KLHL4: variants seen among roughly 807,000 people sequenced by gnomAD.
The protein encoded by KLHL4 is kelch-like protein 4.
A neutral mutation model predicts 45.8 loss-of-function variants in KLHL4; 17 were observed. The observed-to-expected ratio is 0.37, with a 90% CI of 0.25 to 0.56. The LOEUF (loss-of-function observed/expected upper bound fraction) is 0.56, where lower values mean the gene tolerates loss of function less well. Among genes scored for constraint, KLHL4 ranks in the 20% least tolerant of loss-of-function variants. The pLI is 0.79. For missense variants in KLHL4, 544 were observed against 544.9 expected, an observed-to-expected ratio of 1.00 and a Z score of 0.02; for synonymous variants, 224 against 189.9, an observed-to-expected ratio of 1.18 and a Z score of -1.47.
At chrX:87,535,993 C>T (rs1931420477) in intron 1 of KLHL4, among the ~76,000 whole-genome samples, 1 of 110,407 alleles carries the variant, frequency 9.1e-6, no homozygotes, top group Non-Finnish European at 1.9e-5. Context: ...AGATGCCAGG[C>T]TTATGCTTCT....
chrX:87,518,994 A>G (rs1290965282), intron 1 of KLHL4, among the ~76,000 whole-genome samples: 1 of 111,895 alleles, frequency 8.9e-6, no homozygotes, highest in Non-Finnish European at 1.9e-5. Context: ...CAGTGACGAT[A>G]TAGTGTAGTT....
At chrX:87,662,697 A>C (rs983461902) in intron 9 of KLHL4, among the ~76,000 whole-genome samples, 10 of 110,854 alleles carry the variant, frequency 9.0e-5, no homozygotes, top group African/African-American at 3.0e-4. Context: ...TGGGAGGCTG[A>C]GGCGGGCGGA....
chrX:87,648,883 G>A (rs1424833378), intron 9 of KLHL4, among the ~76,000 whole-genome samples: 1 of 110,731 alleles, frequency 9.0e-6, no homozygotes, highest in Non-Finnish European at 1.9e-5. Context: ...CACTGCCTCA[G>A]ATGATACATA....
intron 9 of KLHL4, among the ~76,000 whole-genome samples, chrX:87,663,232 C>G (rs1226122417): frequency 9.0e-6 from 1 of 111,071 alleles, no homozygotes; most frequent in East Asian, 2.8e-4. Flanking sequence ...CTCTTGACTT[C>G]AGGCTCAATT....
At chrX:87,594,984 G>A (rs1230313588) in intron 1 of KLHL4, among the ~76,000 whole-genome samples, 1 of 108,439 alleles carries the variant, frequency 9.2e-6, no homozygotes, top group African/African-American at 3.3e-5. Context: ...GGTAGTAAAA[G>A]GCTATCACTC....
chrX:87,595,862 T>C (rs867558650), intron 1 of KLHL4, among the ~76,000 whole-genome samples: 21 of 111,503 alleles, frequency 1.9e-4, no homozygotes, highest in African/African-American at 6.5e-4. Context: ...CTTTAATGCA[T>C]ATGACATAGT....
intron 1 of KLHL4, among the ~76,000 whole-genome samples, chrX:87,525,257 AT>A (rs1434827626): frequency 9.0e-6 from 1 of 111,515 alleles, no homozygotes. Context: ...ATCACTGAGG[AT>A]TCCACGAACA....
In KLHL4 at chrX:87,553,932, C is replaced by T. The variant is rs760127856; in HGVS notation, c.422+35617C>T. Among the ~76,000 whole-genome samples the T allele has an allele frequency of 7.5e-3, 825 of 109,276 alleles. 6 individuals carry two copies. Among genetic ancestry groups the T allele is most frequent in the African/African-American group, 0.026 (787 of 30,107 alleles). The allele number at this position is 109,276 out of a possible 115,157, so 94.9% of individuals were successfully genotyped here. A position where few individuals can be genotyped will look rare whatever the true frequency, so the allele number is the denominator to read the frequency against. On this transcript the variant is annotated intron_variant, in intron 1 of 10. Transcript: ENST00000373119. ...GAAGGGATCCAGTTTCAGCTTTCTA[C>T]ATATGGCTAGCCAGTTTTCCCAGCA... is the stretch of plus-strand genomic sequence containing the variant.
At chrX:87,578,981 C>T (rs939865092) in intron 1 of KLHL4, among the ~76,000 whole-genome samples, 1 of 111,772 alleles carries the variant, frequency 8.9e-6, no homozygotes, top group African/African-American at 3.3e-5. Flanking sequence ...TCTCAATGTG[C>T]TATATTCTTT....
chrX:87,565,324 A>C (rs1050586233), intron 1 of KLHL4, among the ~76,000 whole-genome samples: 2 of 112,053 alleles, frequency 1.8e-5, no homozygotes, highest in Non-Finnish European at 3.8e-5. Context: ...AGAATAGAAA[A>C]ATAATAGACT....
chrX:87,574,591 G>C (rs918971563), intron 1 of KLHL4, among the ~76,000 whole-genome samples: 2 of 111,197 alleles, frequency 1.8e-5, no homozygotes, highest in Admixed American at 9.5e-5. Flanking sequence ...ACTTAAAATC[G>C]CCTCACTTTT....
intron 1 of KLHL4, among the ~76,000 whole-genome samples, chrX:87,613,155 G>A (rs749175022): frequency 2.4e-4 from 27 of 111,731 alleles, no homozygotes; most frequent in Non-Finnish European, 4.7e-4. Flanking sequence ...ATGCCTGGAT[G>A]CAAGAAATGT....
chrX:87,521,949 C>T (rs939625071), intron 1 of KLHL4, among the ~76,000 whole-genome samples: 4 of 112,550 alleles, frequency 3.6e-5, no homozygotes, highest in Admixed American at 2.8e-4. Flanking sequence ...ATTCAGCCAG[C>T]GTGGCACATG....
At chrX:87,541,449 C>G (rs1349674186) in intron 1 of KLHL4, among the ~76,000 whole-genome samples, 1 of 99,871 alleles carries the variant, frequency 1.0e-5, no homozygotes, top group Non-Finnish European at 2.0e-5. Context: ...CATCCCCATG[C>G]CACTGCACTC....
At chrX:87,616,266 G>T (rs5922467) in intron 3 of KLHL4, among the ~76,000 whole-genome samples, 1 of 109,725 alleles carries the variant, frequency 9.1e-6, no homozygotes, top group African/African-American at 3.3e-5. Flanking sequence ...TAACTCTAGC[G>T]GTATGCATGC....
intron 1 of KLHL4, among the ~76,000 whole-genome samples, chrX:87,594,899 T>A: frequency 9.0e-6 from 1 of 111,442 alleles, no homozygotes; most frequent in Admixed American, 9.6e-5. Context: ...TGGGACTAAA[T>A]GTTTTTCTTC....
intron 9 of KLHL4, among the ~76,000 whole-genome samples, chrX:87,641,416 T>A (rs1923455113): frequency 8.9e-6 from 1 of 112,000 alleles, no homozygotes; most frequent in South Asian, 3.7e-4. Context: ...TAGCAGGCCA[T>A]TCCTGCCTGG....
chrX:87,585,926 G>A (rs1335868411), intron 1 of KLHL4, among the ~76,000 whole-genome samples: 1 of 110,740 alleles, frequency 9.0e-6, no homozygotes, highest in Non-Finnish European at 1.9e-5. Context: ...TAAAGAGATG[G>A]AAAAATATAT....
chrX:87,667,455 C>A lies in KLHL4; in HGVS notation c.*921C>A. 1.4e-6 allele frequency: 1 copy of A among 706,402 alleles called. No homozygotes were observed. The highest frequency in any genetic ancestry group is 1.7e-6 in the Non-Finnish European group (1 of 596,005). 58.2% of individuals were successfully genotyped at this position (706,402 alleles called of 1,213,427 possible). On this transcript the variant is annotated 3_prime_UTR_variant, in exon 11 of 11. Transcript: ENST00000373119. Reference sequence around the variant, plus strand: ...AAGTACCTTAAAATTGAGGATGTTACTCAGTGTTAACACATGGGAACACCA... The same window carrying A: ...AAGTACCTTAAAATTGAGGATGTTAATCAGTGTTAACACATGGGAACACCA...
Sources: gnomAD v4.1 joint callset for allele counts (sites outside exome capture counted in the v4.1 genomes callset) on GRCh38, gnomAD v4.1.1 for gene constraint, MANE v1.5 for transcripts, NCBI Gene and HGNC (gene_info 2026-07-23, HGNC 2026-07-21) for gene names.